The following RGS12 variants were observed in gnomAD, a reference collection of about 807,000 sequenced individuals.
The protein encoded by RGS12 is regulator of G-protein signaling 12.
A neutral mutation model predicts 120.1 loss-of-function variants in RGS12; 66 were observed. That is an observed-to-expected ratio of 0.55 (90% CI 0.45 to 0.67). The LOEUF (loss-of-function observed/expected upper bound fraction) is 0.67. RGS12 is among the 30% of genes least tolerant of loss of function. The probability of loss-of-function intolerance (pLI) is 0.00; values close to 1 mark genes in which losing one functional copy is unlikely to be tolerated. For synonymous variants in RGS12, 827 were observed against 804.7 expected, an observed-to-expected ratio of 1.03 and a Z score of -0.47; for missense variants, 1,859 against 1,957.7, an observed-to-expected ratio of 0.95 and a Z score of 0.95.
intron 1 of RGS12, among the ~76,000 whole-genome samples, chr4:3,302,944 CG>C (rs1185205415): frequency 1.3e-5 from 2 of 152,150 alleles, no homozygotes; most frequent in South Asian, 2.1e-4. Flanking sequence ...TCTGTGACCC[CG>C]GGGCAGCTGG....
intron 1 of RGS12, among the ~76,000 whole-genome samples, chr4:3,309,591 TGAG>T (rs1724210062): frequency 1.2e-5 from 1 of 86,588 alleles, no homozygotes; most frequent in South Asian, 4.5e-4. Flanking sequence ...GGAACTGTGT[TGAG>T]GAGGAGCTGG....
At chr4:3,387,036 A>G (rs777172163) in intron 4 of RGS12, among the ~76,000 whole-genome samples, 1 of 152,198 alleles carries the variant, frequency 6.6e-6, no homozygotes, top group Non-Finnish European at 1.5e-5. Context: ...TTTTGGTTCA[A>G]TGATTTAAAA....
intron 3 of RGS12, among the ~76,000 whole-genome samples, chr4:3,359,809 GA>G (rs1392274604): frequency 1.3e-5 from 2 of 151,862 alleles, no homozygotes; most frequent in Admixed American, 1.3e-4. Context: ...TTTTAGTAGA[GA>G]TAGGGTTTCG....
rs1364670119 is a variant in RGS12 at position 3,366,372 on chromosome 4, C to T, written c.1999-20044C>T. On this transcript the variant is annotated intron_variant, in intron 3 of 17. Coordinates refer to ENST00000336727, the MANE Select transcript of RGS12 (RefSeq NM_001394154.1). The surrounding 1 kb of genome is among the most constrained non-coding windows in gnomAD (Gnocchi z 4.0). ...AGCCACACCTGGGCCTTTGGCTTGG[C>T]GACCAGAGGCCTCCAGGGTTAAGAG... Among the ~76,000 whole-genome samples the T allele has an allele frequency of 3.9e-5, 6 of 152,070 alleles. No individual in the cohort carries two copies. Among genetic ancestry groups the T allele is most frequent in the Admixed American group, 6.6e-5 (1 of 15,260 alleles).
At chr4:3,439,029 G>C (rs929103841) in intron 17 of RGS12, among the ~76,000 whole-genome samples, 2 of 152,088 alleles carry the variant, frequency 1.3e-5, no homozygotes, top group Non-Finnish European at 2.9e-5. Flanking sequence ...AGCCTATCTG[G>C]AACTGAACCC....
chr4:3,400,066 G>C (rs892763512), intron 4 of RGS12, among the ~76,000 whole-genome samples: 4 of 152,104 alleles, frequency 2.6e-5, no homozygotes, highest in Non-Finnish European at 4.4e-5. Flanking sequence ...TCTTCCACAA[G>C]GGGGGGCAAC....
At position 3,317,149 on chromosome 4, in the gene RGS12, CAGG is replaced by C. The variant is rs771295727; in HGVS notation, c.989_991del (p.Glu330del). The stretch of plus-strand genomic sequence containing the variant: ...GACGAATGACGACGGGAGCCTGGCC[CAGG>C]AGGAGGAGGGCGCCCTGCGGACTTC... On this transcript the variant is annotated inframe_deletion, in exon 2 of 18. Coordinates refer to ENST00000336727, the MANE Select transcript of RGS12 (RefSeq NM_001394154.1). 6.2e-7 allele frequency: 1 copy of C among 1,613,428 alleles called. No individual in the cohort carries two copies.
At chr4:3,336,347 A>C (rs565509397) in intron 2 of RGS12, among the ~76,000 whole-genome samples, 2 of 152,128 alleles carry the variant, frequency 1.3e-5, no homozygotes, top group Non-Finnish European at 2.9e-5. Flanking sequence ...TCTACATAGT[A>C]CTCTCTGTTA....
chr4:3,400,978 A>G (rs930692332), intron 4 of RGS12, among the ~76,000 whole-genome samples: 2 of 152,084 alleles, frequency 1.3e-5, no homozygotes, highest in East Asian at 3.8e-4. Flanking sequence ...GCAAGAAAAA[A>G]ATATTAAACT....
intron 14 of RGS12, 55 bp from the exon 15 acceptor site, chr4:3,428,035 A>G: frequency 6.5e-7 from 1 of 1,527,304 alleles, no homozygotes; most frequent in Non-Finnish European, 9.1e-7. Context: ...GTTGTCTATG[A>G]AACATTCAGA....
At chr4:3,298,357 T>C (rs973030906) in intron 1 of RGS12, among the ~76,000 whole-genome samples, 3 of 150,722 alleles carry the variant, frequency 2.0e-5, no homozygotes, top group Non-Finnish European at 4.4e-5. Context: ...GTTTGTTCAA[T>C]TTTTTTTTTA....
intron 4 of RGS12, chr4:3,413,735 T>G: frequency 4.0e-6 from 1 of 250,208 alleles, no homozygotes; most frequent in Non-Finnish European, 7.7e-6. Context: ...ACCCTGTGGC[T>G]GTAGTTTGTT....
intron 3 of RGS12, among the ~76,000 whole-genome samples, chr4:3,350,980 A>G (rs918177956): frequency 7.9e-5 from 12 of 151,960 alleles, no homozygotes; most frequent in Admixed American, 6.5e-4. Context: ...TTTATAAAAT[A>G]TAGTTGGATC....
At position 3,415,978 on chromosome 4, in the gene RGS12, C is replaced by T. The variant is rs1208245033; in HGVS notation, c.2284C>T (p.Leu762Phe). The change falls in exon 7 of 18, where the codon CTT becomes TTT. Residue 762 changes from leucine (L) to phenylalanine (F), a missense_variant and splice_region_variant. Physicochemically the swap from Leu to Phe is conservative, Grantham distance 22. Coordinates refer to ENST00000336727, the MANE Select transcript of RGS12 (RefSeq NM_001394154.1). ...GCTGCTCAGGTGCCTTTCCTGTCAG[C>T]TTTCCTACAGGGCCCGGGAGATTTT... ...NHVPAHDKKELSYRAREIFSK... is the reference protein window; with the variant it reads ...NHVPAHDKKEFSYRAREIFSK... 6.2e-7 allele frequency: 1 copy of T among 1,606,594 alleles called. No homozygotes were observed. The highest frequency in any genetic ancestry group is 1.7e-5 in the Admixed American group (1 of 59,180).
In RGS12 at chr4:3,394,142, G is replaced by A. The variant is rs149419603; in HGVS notation, c.2020+7705G>A. Among the ~76,000 whole-genome samples, 350 of 152,064 alleles carry A rather than the reference G, an allele frequency of 2.3e-3. 4 individuals carry two copies. The highest frequency in any genetic ancestry group is 4.2e-3 in the Non-Finnish European group (283 of 67,962). ...GGTGCCCTTCCACGGCATTTCATCC[G>A]TCTGCTCCTTCAGCACATCTTTTTT... On this transcript the variant is annotated intron_variant, in intron 4 of 17. Coordinates refer to ENST00000336727, the MANE Select transcript of RGS12 (RefSeq NM_001394154.1).
Position 3,414,120 on chromosome 4 carries a change from G to A in RGS12, c.2069G>A (p.Ser690Asn), listed in dbSNP as rs2109102343. The A allele has an allele frequency of 2.5e-6, 4 of 1,573,466 alleles. No homozygotes were observed. In the South Asian group the frequency reaches 4.6e-5, roughly 18 times the overall value. ...LKDCVSNNSL[S>N]SNASLPSVQS... ...GACTGCGTCAGCAACAACAGCCTGAGCAGCAATGCCAGCCTCCCCAGCGTG... is the reference window on the plus strand; with the variant it reads ...GACTGCGTCAGCAACAACAGCCTGAACAGCAATGCCAGCCTCCCCAGCGTG... The change falls in exon 5 of 18, where the codon AGC (serine) becomes AAC (asparagine). Residue 690 changes from serine to asparagine, a missense_variant. Physicochemically the swap from Ser to Asn is conservative, Grantham distance 46. Transcript: ENST00000336727.
upstream of RGS12, among the ~76,000 whole-genome samples, chr4:3,292,806 C>A (rs1004810316): frequency 1.3e-5 from 2 of 152,174 alleles, no homozygotes; most frequent in South Asian, 2.1e-4. Flanking sequence ...GTGGAGGCCC[C>A]GTCCCTCGCT....
intron 3 of RGS12, among the ~76,000 whole-genome samples, chr4:3,356,503 A>T (rs112014071): frequency 0.012 from 1,766 of 151,798 alleles, 48 homozygotes; most frequent in African/African-American, 0.039. Context: ...ATCTTGTTAA[A>T]CTCTATACCC....
At chr4:3,428,745 G>C in intron 16 of RGS12, 34 bp downstream of exon 16, 1 of 1,551,506 alleles carries the variant, frequency 6.4e-7, no homozygotes. Flanking sequence ...CACGTTTTTA[G>C]TAAATGCACA....
Sources: gnomAD v4.1 joint callset for allele counts (sites outside exome capture counted in the v4.1 genomes callset) on GRCh38, gnomAD v4.1.1 for gene constraint, Gnocchi (gnomAD v3.1) non-coding constraint, MANE v1.5 for transcripts, NCBI Gene and HGNC (gene_info 2026-07-23, HGNC 2026-07-21) for gene names.